The following GPHN variants were observed in gnomAD, a reference collection of about 807,000 sequenced individuals.
The protein encoded by GPHN is gephyrin.
Under a neutral mutation model 95.5 loss-of-function variants are expected in GPHN, and 17 were observed. That is an observed-to-expected ratio of 0.18 (90% confidence interval 0.12 to 0.27). GPHN has a LOEUF of 0.27. GPHN is among the 10% of genes least tolerant of loss of function. GPHN has a pLI of 1.00. For synonymous variants in GPHN, 320 were observed against 322.5 expected (o/e 0.99, Z 0.08); for missense variants, 660 against 978.1 (o/e 0.67, Z 4.34).
chr14:67,255,167 G>A, the GPHN span, among the ~76,000 whole-genome samples: 2 of 151,876 alleles, frequency 1.3e-5, no homozygotes, highest in Non-Finnish European at 2.9e-5. Flanking sequence ...AAAAAAGTTC[G>A]AATCTCTTAT....
At chr14:67,154,018 A>G (rs894046480) in intron 18 of GPHN, among the ~76,000 whole-genome samples, 1 of 152,220 alleles carries the variant, frequency 6.6e-6, no homozygotes, top group Non-Finnish European at 1.5e-5. Context: ...GAAAAATAAA[A>G]CACTTTCATT....
intron 6 of GPHN, 78 bp from the exon 7 acceptor site, chr14:66,922,588 A>G: frequency 4.3e-6 from 5 of 1,169,846 alleles, no homozygotes; most frequent in Non-Finnish European, 6.1e-6. Flanking sequence ...CAAAATCACG[A>G]AACAGTTTGA....
At chr14:66,641,061 CT>C (rs1442293824) in intron 1 of GPHN, among the ~76,000 whole-genome samples, 1 of 152,166 alleles carries the variant, frequency 6.6e-6, no homozygotes, top group East Asian at 1.9e-4. Flanking sequence ...AATAGATACA[CT>C]GTCCTAACAC....
At position 67,126,410 on chromosome 14, in the gene GPHN, C is replaced by T. The variant is rs113156505; in HGVS notation, c.1748+4033C>T. 7.9e-5 allele frequency among the ~76,000 whole-genome samples: 12 copies of T among 152,214 alleles called. 2 individuals are homozygous for T. Among genetic ancestry groups the T allele is most frequent in the African/African-American group, 2.9e-4 (12 of 41,536 alleles). ...GATTGGTCAGACAGAGTTTTATAAA[C>T]CTCTAGTTTCAAGCTAGAACTTAAA... On this transcript the variant is annotated intron_variant, in intron 17 of 22. Coordinates refer to ENST00000478722, the MANE Select transcript of GPHN (RefSeq NM_020806.5).
the GPHN span, among the ~76,000 whole-genome samples, chr14:67,188,833 C>CT: frequency 1.3e-5 from 2 of 148,836 alleles, no homozygotes; most frequent in Admixed American, 6.7e-5. Context: ...TTCTTTCTTT[C>CT]TTTCTTTTCT....
intron 9 of GPHN, among the ~76,000 whole-genome samples, chr14:67,022,238 A>T (rs2073667297): frequency 6.6e-6 from 1 of 152,088 alleles, no homozygotes; most frequent in Admixed American, 6.6e-5. Context: ...ATAGCAGAAC[A>T]TTCTGCATTT....
chr14:67,611,186 GTAAT>G, the GPHN span: 1 of 152,276 alleles, frequency 6.6e-6, no homozygotes, highest in Non-Finnish European at 1.5e-5. Context: ...CGTGTATGCT[GTAAT>G]TAATTCTTTC....
At chr14:67,234,233 C>T in the GPHN span, among the ~76,000 whole-genome samples, 134 of 152,148 alleles carry the variant, frequency 8.8e-4, 2 homozygotes, top group African/African-American at 3.2e-3. Flanking sequence ...CAAACCCAGG[C>T]AAAGAGAGAA....
the GPHN span, among the ~76,000 whole-genome samples, chr14:67,275,905 C>T: frequency 3.9e-5 from 6 of 152,080 alleles, no homozygotes; most frequent in Non-Finnish European, 5.9e-5. Flanking sequence ...ACTTTATTTG[C>T]GTAGAGGTGT....
chr14:66,880,951 G>A (rs1033473672), intron 5 of GPHN, among the ~76,000 whole-genome samples: 2 of 151,860 alleles, frequency 1.3e-5, no homozygotes, highest in Non-Finnish European at 1.5e-5. Flanking sequence ...TGATCTCAGA[G>A]CAACCTAAAA....
the GPHN span, among the ~76,000 whole-genome samples, chr14:67,520,044 G>A: frequency 6.6e-6 from 1 of 152,048 alleles, no homozygotes; most frequent in Non-Finnish European, 1.5e-5. Context: ...TTTTACAGTG[G>A]TTTTAGGTTC....
At chr14:66,722,171 T>G (rs2070815735) in intron 2 of GPHN, among the ~76,000 whole-genome samples, 2 of 152,050 alleles carry the variant, frequency 1.3e-5, no homozygotes. Context: ...TGAGTACTTT[T>G]AACATTGAAA....
chr14:67,028,166 C>G (rs560617089), intron 10 of GPHN, among the ~76,000 whole-genome samples: 1 of 152,228 alleles, frequency 6.6e-6, no homozygotes, highest in South Asian at 2.1e-4. Flanking sequence ...ACTTAACATG[C>G]CTTCCAGTTC....
intron 1 of GPHN, among the ~76,000 whole-genome samples, chr14:66,544,001 A>G (rs1448538005): frequency 3.9e-5 from 6 of 152,218 alleles, no homozygotes; most frequent in Admixed American, 3.9e-4. Flanking sequence ...TTTAAAAGCC[A>G]CTGGCCTAAA....
At chr14:66,787,293 C>T (rs1317474574) in intron 3 of GPHN, among the ~76,000 whole-genome samples, 1 of 152,032 alleles carries the variant, frequency 6.6e-6, no homozygotes, top group Admixed American at 6.5e-5. Flanking sequence ...AACTTAAAAG[C>T]ACACATATGT....
the GPHN span, chr14:67,572,337 C>T: frequency 2.0e-6 from 3 of 1,477,296 alleles, no homozygotes; most frequent in Admixed American, 2.0e-5. Flanking sequence ...GCTGCTGGGG[C>T]CCTCAGCACA....
chr14:66,643,641 A>G (rs947064790), intron 1 of GPHN, among the ~76,000 whole-genome samples: 11 of 152,022 alleles, frequency 7.2e-5, no homozygotes, highest in African/African-American at 2.7e-4. Flanking sequence ...TGCCTATGGT[A>G]TGATTCATTT....
At chr14:67,149,503 TAATG>T (rs1006189397) in intron 18 of GPHN, among the ~76,000 whole-genome samples, 4 of 152,210 alleles carry the variant, frequency 2.6e-5, no homozygotes, top group African/African-American at 9.6e-5. Flanking sequence ...TAGGGATCCT[TAATG>T]AATTTTAATT....
At chr14:66,777,463 A>C (rs1259301668) in intron 3 of GPHN, among the ~76,000 whole-genome samples, 1 of 152,190 alleles carries the variant, frequency 6.6e-6, no homozygotes, top group Non-Finnish European at 1.5e-5. Context: ...ATCCTCCCTA[A>C]CTCATTTTAT....
Sources: gnomAD v4.1 joint callset for allele counts (sites outside exome capture counted in the v4.1 genomes callset) on GRCh38, gnomAD v4.1.1 for gene constraint, MANE v1.5 for transcripts, NCBI Gene and HGNC (gene_info 2026-07-23, HGNC 2026-07-21) for gene names.